Variants in SPTB observed in about 807,000 individuals in gnomAD.
SPTB encodes the protein spectrin beta, erythrocytic.
SPTB carries 45 observed loss-of-function variants against 256.2 expected under a neutral mutation model. That is an observed-to-expected ratio of 0.18 (90% CI 0.14 to 0.23). The LOEUF (loss-of-function observed/expected upper bound fraction) is 0.23. Ranked by LOEUF, SPTB falls within the 10% of genes least tolerant of loss-of-function variation. SPTB has a pLI of 1.00. For missense variants in SPTB, 2,715 were observed against 3,040.4 expected (o/e 0.89, Z 2.52); for synonymous variants, 1,231 against 1,243.1 (o/e 0.99, Z 0.21).
chr14:64,823,032 G>C lies in SPTB; in HGVS notation c.63C>G (p.Ala21=), dbSNP rs1301439576. 6 of 1,614,150 alleles carry C rather than the reference G, an allele frequency of 3.7e-6. No individual in the cohort carries two copies. The Admixed American group carries it at 1.0e-4, about 27-fold the overall frequency. ...GCTCGTCGTCTGGGGCGTCCCAGCG[G>C]GCATTGATCCTGCTGTAAGGTGGCT... ...GNQPPYSRIN[A]RWDAPDDELD... Residue 21 remains alanine (A), a synonymous_variant, in exon 2 of 36, where the codon GCC becomes GCG. Coordinates refer to ENST00000644917, the MANE Select transcript of SPTB (RefSeq NM_001355436.2). The surrounding 1 kb of genome is among the most constrained non-coding windows in gnomAD (Gnocchi z 6.5).
At chr14:64,761,937 A>G (rs1710926737) in intron 32 of SPTB, among the ~76,000 whole-genome samples, 1 of 152,124 alleles carries the variant, frequency 6.6e-6, no homozygotes, top group Non-Finnish European at 1.5e-5. Flanking sequence ...TCCTGAGGCC[A>G]TCAGTATCTA....
In SPTB at chr14:64,760,311, G is replaced by A. The variant is rs569657322; in HGVS notation, c.6345+6415C>T. ...CAGGGACATGGCCAGGTGGGTAAAT[G>A]TCTTCTCCGGGCCAAAGGAGGTGAA... On this transcript the variant is annotated intron_variant, in intron 32 of 35. Coordinates refer to ENST00000644917, the MANE Select transcript of SPTB (RefSeq NM_001355436.2). This position sits in a 1 kb window ranked among gnomAD's most constrained non-coding sequence, Gnocchi z 4.3. Among the ~76,000 whole-genome samples, 6 of 152,244 alleles carry A rather than the reference G, an allele frequency of 3.9e-5. No homozygotes were observed. In the South Asian group the frequency reaches 1.2e-3, roughly 32 times the overall value.
chr14:64,765,025 C>CGTGTGTGTGTGTGTGTGTGTGTGTGT (rs565885364), intron 32 of SPTB, among the ~76,000 whole-genome samples: 1 of 118,254 alleles, frequency 8.5e-6, no homozygotes, highest in Non-Finnish European at 1.7e-5. Context: ...GGAGTGTGTG[C>CGTGTGTGTGTGTGTGTGTGTGTGTGT]GTGTGTGTGT....
intron 2 of SPTB, among the ~76,000 whole-genome samples, chr14:64,814,360 T>C (rs1201397202): frequency 2.0e-5 from 3 of 152,248 alleles, no homozygotes; most frequent in Non-Finnish European, 4.4e-5. Context: ...TACACAGACC[T>C]ATACAGTCAT....
intron 2 of SPTB, among the ~76,000 whole-genome samples, chr14:64,812,626 C>T (rs1450791386): frequency 2.0e-5 from 3 of 152,084 alleles, no homozygotes; most frequent in African/African-American, 7.2e-5. Context: ...GCTCCTCCCT[C>T]CTCCCTTCTC....
Position 64,807,706 on chromosome 14 carries a change from C to T in SPTB, c.149-2616G>A, listed in dbSNP as rs1594798903. Among the ~76,000 whole-genome samples the T allele has an allele frequency of 6.6e-6, 1 of 152,254 alleles. No homozygotes were observed. Among genetic ancestry groups the T allele is most frequent in the Non-Finnish European group, 1.5e-5 (1 of 68,042 alleles). ...TTGGCATGCTCAGCACATTCACTCCCGCACAGCCCAGATGCTCATCCCAAG... is the reference window on the plus strand; with the variant it reads ...TTGGCATGCTCAGCACATTCACTCCTGCACAGCCCAGATGCTCATCCCAAG... On this transcript the variant is annotated intron_variant, in intron 2 of 35. Coordinates refer to ENST00000644917, the MANE Select transcript of SPTB (RefSeq NM_001355436.2). The surrounding 1 kb of genome is among the most constrained non-coding windows in gnomAD (Gnocchi z 4.7).
Position 64,825,251 on chromosome 14 carries a change from C to T in SPTB, c.-51-2106G>A, listed in dbSNP as rs577367786. Among the ~76,000 whole-genome samples, 2 of 152,228 alleles carry T rather than the reference C, an allele frequency of 1.3e-5. No individual in the cohort carries two copies. The highest frequency in any genetic ancestry group is 4.8e-5 in the African/African-American group (2 of 41,562). On this transcript the variant is annotated intron_variant, in intron 1 of 35. Transcript: ENST00000644917. This position sits in a 1 kb window ranked among gnomAD's most constrained non-coding sequence, Gnocchi z 4.8. ...CAGGGCTTAGCAAAAGTGTTTGCCA[C>T]TCAAGAGAAGGGAAGGTGCAAGGTG...
At position 64,758,723 on chromosome 14, in the gene SPTB, C is replaced by T. The variant is rs1030381739; in HGVS notation, c.6346-4930G>A. On this transcript the variant is annotated intron_variant, in intron 32 of 35. Coordinates refer to ENST00000644917, the MANE Select transcript of SPTB (RefSeq NM_001355436.2). The surrounding 1 kb of genome is among the most constrained non-coding windows in gnomAD (Gnocchi z 4.6). ...TTCCCATCTGCCCAGGGAAAGTGCACAAACAGCAGAGAGCAAGCTGGAGGG... is the reference window on the plus strand; with the variant it reads ...TTCCCATCTGCCCAGGGAAAGTGCATAAACAGCAGAGAGCAAGCTGGAGGG... Among the ~76,000 whole-genome samples the T allele has an allele frequency of 6.6e-6, 1 of 152,190 alleles. No homozygotes were observed. Among genetic ancestry groups the T allele is most frequent in the Middle Eastern group, 3.2e-3 (1 of 316 alleles).
chr14:64,783,990 C>T (rs551226548), intron 19 of SPTB, among the ~76,000 whole-genome samples: 1 of 152,360 alleles, frequency 6.6e-6, no homozygotes, highest in East Asian at 1.9e-4. Flanking sequence ...GACACTGAAG[C>T]TCTAACTAGA....
chr14:64,813,718 G>T (rs2083135307), intron 2 of SPTB, among the ~76,000 whole-genome samples: 1 of 152,174 alleles, frequency 6.6e-6, no homozygotes, highest in Non-Finnish European at 1.5e-5. Context: ...TAGAGATGAG[G>T]TTTCACCATG....
At position 64,790,899 on chromosome 14, in the gene SPTB, G is replaced by A. The variant is rs2082658270; in HGVS notation, c.2804+820C>T. Among the ~76,000 whole-genome samples the A allele has an allele frequency of 6.6e-6, 1 of 152,112 alleles. No individual in the cohort carries two copies. The highest frequency in any genetic ancestry group is 2.1e-4 in the South Asian group (1 of 4,830). ...AAAGGCTCCTTGGGGCCTATTTTTT[G>A]TTCTGGCCACAAAGCTTGCTTAAGG... On this transcript the variant is annotated intron_variant, in intron 15 of 35. Transcript: ENST00000644917. This position sits in a 1 kb window ranked among gnomAD's most constrained non-coding sequence, Gnocchi z 4.8.
chr14:64,832,972 G>C (rs573561626), intron 1 of SPTB, among the ~76,000 whole-genome samples: 1 of 152,264 alleles, frequency 6.6e-6, no homozygotes, highest in Admixed American at 6.5e-5. Context: ...CATCACTTAC[G>C]TACTTTAACA....
chr14:64,788,845 A>G (rs920432567), intron 15 of SPTB, among the ~76,000 whole-genome samples: 1 of 152,216 alleles, frequency 6.6e-6, no homozygotes, highest in African/African-American at 2.4e-5. Flanking sequence ...CAACATCAAG[A>G]GTCTAGGTTT....
Position 64,760,306 on chromosome 14 carries a change from T to C in SPTB, c.6345+6420A>G, listed in dbSNP as rs1422733155. ...CAGGCCAGGGACATGGCCAGGTGGGTAAATGTCTTCTCCGGGCCAAAGGAG... is the reference window on the plus strand; with the variant it reads ...CAGGCCAGGGACATGGCCAGGTGGGCAAATGTCTTCTCCGGGCCAAAGGAG... On this transcript the variant is annotated intron_variant, in intron 32 of 35. Transcript: ENST00000644917. The surrounding 1 kb of genome is among the most constrained non-coding windows in gnomAD (Gnocchi z 4.3). Among the ~76,000 whole-genome samples the C allele has an allele frequency of 6.6e-6, 1 of 151,854 alleles. No homozygotes were observed. The highest frequency in any genetic ancestry group is 1.5e-5 in the Non-Finnish European group (1 of 67,952).
chr14:64,849,905 G>A, intron 1 of SPTB, among the ~76,000 whole-genome samples: 1 of 152,170 alleles, frequency 6.6e-6, no homozygotes, highest in East Asian at 1.9e-4. Flanking sequence ...ACTCTTCAAA[G>A]ACAAAGTTCA....
chr14:64,791,589 AAAG>A, intron 15 of SPTB, 127 bp downstream of exon 15: 4 of 839,696 alleles, frequency 4.8e-6, no homozygotes, highest in South Asian at 3.8e-5. Flanking sequence ...AAAAAAAAAA[AAAG>A]ACAGGAATGT....
At chr14:64,837,559 A>G (rs2083543941) in intron 1 of SPTB, among the ~76,000 whole-genome samples, 1 of 152,192 alleles carries the variant, frequency 6.6e-6, no homozygotes, top group South Asian at 2.1e-4. Flanking sequence ...TCAAAATCCC[A>G]GGAGAACTTT....
chr14:64,829,507 G>T (rs1197095612), intron 1 of SPTB, among the ~76,000 whole-genome samples: 4 of 152,182 alleles, frequency 2.6e-5, no homozygotes, highest in African/African-American at 9.7e-5. Flanking sequence ...AATTGTGTTA[G>T]ATGTGATCAT....
intron 1 of SPTB, among the ~76,000 whole-genome samples, chr14:64,857,028 T>C (rs1397377058): frequency 6.6e-6 from 1 of 152,188 alleles, no homozygotes; most frequent in African/African-American, 2.4e-5. Context: ...CTTTGAGGGA[T>C]TAGCACCAGA....
Sources: gnomAD v4.1 joint callset for allele counts (sites outside exome capture counted in the v4.1 genomes callset) on GRCh38, gnomAD v4.1.1 for gene constraint, Gnocchi (gnomAD v3.1) non-coding constraint, MANE v1.5 for transcripts, NCBI Gene and HGNC (gene_info 2026-07-23, HGNC 2026-07-21) for gene names.